RAF1: variants seen among roughly 807,000 people sequenced by gnomAD.
RAF1 encodes Raf-1 proto-oncogene, serine/threonine kinase.
Under a neutral mutation model 81.1 loss-of-function variants are expected in RAF1, and 27 were observed. The ratio of observed to expected loss-of-function variants is 0.33; its 90% CI spans 0.25 to 0.46. The LOEUF is 0.46. Among genes scored for constraint, RAF1 ranks in the 20% least tolerant of loss-of-function variants. The pLI is 1.00. For missense variants in RAF1, 598 were observed against 826.0 expected (o/e 0.72, Z 3.38); for synonymous variants, 298 against 294.0 (o/e 1.01, Z -0.14).
chr3:12,617,941 G>A (rs1575599245), intron 2 of RAF1, among the ~76,000 whole-genome samples: 1 of 151,458 alleles, frequency 6.6e-6, no homozygotes, highest in East Asian at 1.9e-4. Context: ...TAGTGGCAGT[G>A]TCCTGCCATG....
At chr3:12,591,115 A>G in intron 12 of RAF1, 141 bp from the exon 12 acceptor site, 1 of 747,880 alleles carries the variant, frequency 1.3e-6, no homozygotes, top group East Asian at 2.7e-5. Flanking sequence ...AAACAAACAC[A>G]TGGCACGGCT....
intron 1 of RAF1, among the ~76,000 whole-genome samples, chr3:12,646,259 G>A (rs111771009): frequency 0.01 from 1,572 of 152,292 alleles, 22 homozygotes; most frequent in African/African-American, 0.036. Context: ...TCCCACCTCA[G>A]CCTCCTGAGT....
At chr3:12,658,568 C>A (rs2060772727) in intron 1 of RAF1, among the ~76,000 whole-genome samples, 1 of 152,152 alleles carries the variant, frequency 6.6e-6, no homozygotes, top group Non-Finnish European at 1.5e-5. Flanking sequence ...TGCCACTGCA[C>A]TCCAGCCTGG....
At chr3:12,611,507 T>A (rs928494280) in intron 3 of RAF1, among the ~76,000 whole-genome samples, 2 of 152,198 alleles carry the variant, frequency 1.3e-5, no homozygotes, top group Admixed American at 6.5e-5. Flanking sequence ...ATTACCATCC[T>A]GGCTAACACG....
At chr3:12,655,881 G>A (rs2060674401) in intron 1 of RAF1, among the ~76,000 whole-genome samples, 1 of 151,994 alleles carries the variant, frequency 6.6e-6, no homozygotes, top group Admixed American at 6.6e-5. Flanking sequence ...CAAATTCATA[G>A]AGAGAAAGTA....
At chr3:12,585,021 G>A (rs746309156) in intron 16 of RAF1, 40 bp from the exon 16 acceptor site, 24 of 1,613,744 alleles carry the variant, frequency 1.5e-5, no homozygotes, top group Non-Finnish European at 2.0e-5. Flanking sequence ...GGGGGTGAAT[G>A]AACAACAGAT....
chr3:12,600,554 C>G, intron 8 of RAF1, 139 bp from the exon 8 acceptor site: 1 of 919,584 alleles, frequency 1.1e-6, no homozygotes, highest in South Asian at 1.5e-5. Flanking sequence ...TAAACATACT[C>G]TAATCAACGT....
chr3:12,645,247 CAAA>C (rs1440538277), intron 1 of RAF1, among the ~76,000 whole-genome samples: 2 of 151,966 alleles, frequency 1.3e-5, no homozygotes, highest in African/African-American at 4.8e-5. Flanking sequence ...AGTTCCGACT[CAAA>C]AAAGTTTACT....
At chr3:12,643,119 T>C (rs935524389) in intron 1 of RAF1, among the ~76,000 whole-genome samples, 1 of 152,148 alleles carries the variant, frequency 6.6e-6, no homozygotes, top group Non-Finnish European at 1.5e-5. Context: ...CTCCCACCCA[T>C]AACACTGCAT....
At chr3:12,634,789 A>G (rs1575632569) in intron 1 of RAF1, among the ~76,000 whole-genome samples, 1 of 152,264 alleles carries the variant, frequency 6.6e-6, no homozygotes, top group African/African-American at 2.4e-5. Flanking sequence ...AGCCCCTTTA[A>G]GTATATCCTC....
chr3:12,643,381 G>C (rs1477657456), intron 1 of RAF1, among the ~76,000 whole-genome samples: 2 of 147,660 alleles, frequency 1.4e-5, no homozygotes, highest in African/African-American at 5.1e-5. Flanking sequence ...AACATGTTAA[G>C]GATCAAAGTA....
At position 12,584,913 on chromosome 3, in the gene RAF1, T is replaced by C. The variant is rs1185605206; in HGVS notation, c.1797A>G (p.Lys599=). 6.2e-7 allele frequency: 1 copy of C among 1,614,172 alleles called. No homozygotes were observed. Among genetic ancestry groups the C allele is most frequent in the Non-Finnish European group, 8.5e-7 (1 of 1,180,018 alleles). Residue 599 remains lysine (K), a synonymous_variant, in exon 17 of 18, where the codon AAA becomes AAG. Coordinates refer to ENST00000442415, the MANE Select transcript of RAF1 (RefSeq NM_001354689.3). ...AGTCAGCTACCAGCCTCTTCATTGCTTTGGGGCAGTTCTTATATAGCTTAC... is the reference window on the plus strand; with the variant it reads ...AGTCAGCTACCAGCCTCTTCATTGCCTTGGGGCAGTTCTTATATAGCTTAC...
At chr3:12,585,323 C>CA in intron 15 of RAF1, 70 bp from the exon 15 acceptor site, 6 of 1,604,030 alleles carry the variant, frequency 3.7e-6, no homozygotes, top group Non-Finnish European at 4.2e-6. Context: ...ATCTAGGGGC[C>CA]AGGCTGTCCC....
chr3:12,623,749 A>G (rs2059616772), intron 1 of RAF1, among the ~76,000 whole-genome samples: 1 of 145,142 alleles, frequency 6.9e-6, no homozygotes, highest in Admixed American at 6.9e-5. Context: ...AGCCGAGATC[A>G]TGCCACTGCA....
chr3:12,591,104 A>G, intron 12 of RAF1, 130 bp from the exon 12 acceptor site: 1 of 822,544 alleles, frequency 1.2e-6, no homozygotes, highest in Non-Finnish European at 1.9e-6. Context: ...CCCAGTCCCA[A>G]AAACAAACAC....
intron 1 of RAF1, among the ~76,000 whole-genome samples, chr3:12,662,688 C>T (rs2060916919): frequency 6.6e-6 from 1 of 152,050 alleles, no homozygotes; most frequent in Admixed American, 6.6e-5. Context: ...ACCAGCTGTT[C>T]CCTGAGCTCC....
At position 12,646,757 on chromosome 3, in the gene RAF1, G is replaced by C. The variant is rs181650449; in HGVS notation, c.-27+17056C>G. On this transcript the variant is annotated intron_variant, in intron 1 of 17. Transcript: ENST00000442415. ...AGTAGAGACGGGTTTTACTATGTTGGCCAGACTTGTCTCAAACTCCTGACC... is the reference window on the plus strand; with the variant it reads ...AGTAGAGACGGGTTTTACTATGTTGCCCAGACTTGTCTCAAACTCCTGACC... Among the ~76,000 whole-genome samples, 433 of 151,506 alleles carry C rather than the reference G, an allele frequency of 2.9e-3. 3 individuals are homozygous for C. The highest frequency in any genetic ancestry group is 9.8e-3 in the African/African-American group (407 of 41,360).
chr3:12,645,731 C>A (rs1197302057), intron 1 of RAF1, among the ~76,000 whole-genome samples: 2 of 151,592 alleles, frequency 1.3e-5, no homozygotes, highest in African/African-American at 4.8e-5. Context: ...TTTATTTAAT[C>A]TTTTTTTTGT....
intron 2 of RAF1, among the ~76,000 whole-genome samples, chr3:12,614,402 C>CTACG (rs1384498912): frequency 5.0e-5 from 7 of 138,958 alleles, no homozygotes; most frequent in African/African-American, 1.9e-4. Flanking sequence ...GTTATTTTCT[C>CTACG]TACGTGCGTG....
Sources: gnomAD v4.1 joint callset for allele counts (sites outside exome capture counted in the v4.1 genomes callset) on GRCh38, gnomAD v4.1.1 for gene constraint, MANE v1.5 for transcripts, NCBI Gene and HGNC (gene_info 2026-07-23, HGNC 2026-07-21) for gene names.